Variants in SLC2A4RG observed in about 807,000 individuals in gnomAD.
SLC2A4RG encodes GLUT4 enhancer factor.
In SLC2A4RG, 23 loss-of-function variants were observed where a neutral mutation model predicts 35.5. The observed-to-expected ratio is 0.65, with a 90% CI of 0.47 to 0.92. The LOEUF (loss-of-function observed/expected upper bound fraction) is 0.92. SLC2A4RG is among the 40% of genes least tolerant of loss of function. SLC2A4RG has a pLI of 0.00. For synonymous variants in SLC2A4RG, 306 were observed against 243.7 expected, an observed-to-expected ratio of 1.26 and a Z score of -2.38; for missense variants, 539 against 525.0, an observed-to-expected ratio of 1.03 and a Z score of -0.26.
chr20:63,743,247 C>T lies in SLC2A4RG; in HGVS notation c.*257C>T, dbSNP rs895104897. ...CCAAACCACACCGCTGTCCCCTTAG[C>T]CCCAAGGGCCCTGGGGGCAGCCACC... On this transcript the variant is annotated 3_prime_UTR_variant, in exon 8 of 8. Transcript: ENST00000266077. The T allele has an allele frequency of 6.9e-5, 25 of 362,528 alleles. No homozygotes were observed. Among genetic ancestry groups the T allele is most frequent in the African/African-American group, 3.9e-4 (19 of 48,504 alleles). The allele number at this position is 362,528 out of a possible 1,614,324, so 22.5% of individuals were successfully genotyped here. A position where few individuals can be genotyped will look rare whatever the true frequency, so the allele number is the denominator to read the frequency against.
rs2092036246 is a variant in SLC2A4RG at position 63,740,494 on chromosome 20, C to T, written c.244C>T (p.Arg82Trp). Residue 82 changes from arginine (R) to tryptophan (W), a missense_variant, in exon 2 of 8, where the codon CGG becomes TGG. Physicochemically the swap from Arg to Trp is moderately radical, Grantham distance 101. Transcript: ENST00000266077. ...RTWTGAAAGPRTPSAHIPVPA... is the reference protein window; with the variant it reads ...RTWTGAAAGPWTPSAHIPVPA... The stretch of plus-strand genomic sequence containing the variant: ...GTGGACGGGGGCGGCGGCGGGGCCC[C>T]GGACTCCGTCGGCGCACATCCCCGT... 5 of 1,229,802 alleles carry T rather than the reference C, an allele frequency of 4.1e-6. No individual in the cohort carries two copies. Among genetic ancestry groups the T allele is most frequent in the South Asian group, 8.2e-5 (2 of 24,352 alleles). The allele number at this position is 1,229,802 out of a possible 1,614,324, so 76.2% of individuals were successfully genotyped here.
chr20:63,742,951 CT>C lies in SLC2A4RG; in HGVS notation c.1126del (p.Cys376AlafsTer35). On this transcript the variant is annotated frameshift_variant, in exon 8 of 8. Coordinates refer to ENST00000266077, the MANE Select transcript of SLC2A4RG (RefSeq NM_020062.4). LOFTEE classifies it high-confidence loss of function. Reference protein sequence around the residue: ...MERRDLWCTACRWKKACQRFL... With the variant: ...MERRDLWCTAXRWKKACQRFL... ...AGCGCCGGGACCTCTGGTGCACAGC[CT>C]GCCGCTGGAAGAAAGCCTGCCAGCG... is the stretch of plus-strand genomic sequence containing the variant. 1 of 1,612,260 alleles carries C rather than the reference CT, an allele frequency of 6.2e-7. No individual in the cohort carries two copies. Among genetic ancestry groups the C allele is most frequent in the Non-Finnish European group, 8.5e-7 (1 of 1,179,456 alleles).
chr20:63,742,662 T>C (rs1207225910), intron 6 of SLC2A4RG, 37 bp from the exon 7 acceptor site: 5 of 1,591,984 alleles, frequency 3.1e-6, no homozygotes, highest in Non-Finnish European at 4.3e-6. Flanking sequence ...CAGGGCTCTC[T>C]GGAGGGGAGT....
Position 63,742,074 on chromosome 20 carries a change from C to T in SLC2A4RG, c.579+18C>T, listed in dbSNP as rs1304423301. The T allele has an allele frequency of 6.2e-7, 1 of 1,611,316 alleles. No individual in the cohort carries two copies. Among genetic ancestry groups the T allele is most frequent in the Non-Finnish European group, 8.5e-7 (1 of 1,178,686 alleles). On this transcript the variant is annotated intron_variant, in intron 4 of 7. Transcript: ENST00000266077. ...AAAGGAAGGTGAGCTTGGGGGCGGC[C>T]CCCAGGGAGGGGCGGGTGTGGCGGC... is the stretch of plus-strand genomic sequence containing the variant.
chr20:63,740,180 G>A, intron 1 of SLC2A4RG, 142 bp downstream of exon 1: 1 of 400,010 alleles, frequency 2.5e-6, no homozygotes, highest in Non-Finnish European at 3.4e-6. Flanking sequence ...CGTGGGTCCC[G>A]CCGGGGCTGC....
At position 63,741,250 on chromosome 20, in the gene SLC2A4RG, C is replaced by T. The variant is rs1201264690; in HGVS notation, c.282-120C>T. The T allele has an allele frequency of 3.3e-6, 3 of 906,180 alleles. No homozygotes were observed. The South Asian group carries it at 4.4e-5, about 13-fold the overall frequency. 56.1% of individuals were successfully genotyped at this position (906,180 alleles called of 1,614,324 possible). A position where few individuals can be genotyped will look rare whatever the true frequency, so the allele number is the denominator to read the frequency against. The stretch of plus-strand genomic sequence containing the variant: ...GCTGGGGGAGGAGCCAGGCCTCATG[C>T]CCAGGGCTGGGAGTGGGGAGCCTGG... On this transcript the variant is annotated intron_variant, in intron 2 of 7. Coordinates refer to ENST00000266077, the MANE Select transcript of SLC2A4RG (RefSeq NM_020062.4).
At position 63,742,351 on chromosome 20, in the gene SLC2A4RG, T is replaced by C; in HGVS notation, c.696T>C (p.Pro232=). ...TCTCCCGCAGGAGGCAGGCAGAGCC[T>C]GAGCAGAGTGATGGTGAGGAGGACT... The part of the protein sequence containing the change: ...RLVHLGRQAE[P]EQSDGEEDFY... Residue 232 remains proline, a synonymous_variant, in exon 6 of 8, where the codon CCT becomes CCC. Transcript: ENST00000266077. 6.2e-7 allele frequency: 1 copy of C among 1,609,160 alleles called. No homozygotes were observed.
At chr20:63,741,143 G>A in intron 2 of SLC2A4RG, 1 of 566,814 alleles carries the variant, frequency 1.8e-6, no homozygotes, top group Non-Finnish European at 3.2e-6. Flanking sequence ...CCAAGCCCGC[G>A]ATGTGGAGAA....
In SLC2A4RG at chr20:63,742,060, A is replaced by G. The variant is rs922460029; in HGVS notation, c.579+4A>G. On this transcript the variant is annotated splice_donor_region_variant and intron_variant, in intron 4 of 7. Transcript: ENST00000266077. ...GCCCACCCTGAGAAAAAGGAAGGTG[A>G]GCTTGGGGGCGGCCCCCAGGGAGGG... The G allele has an allele frequency of 6.2e-7, 1 of 1,610,920 alleles. No individual in the cohort carries two copies. Among genetic ancestry groups the G allele is most frequent in the Non-Finnish European group, 8.5e-7 (1 of 1,178,262 alleles).
Position 63,740,433 on chromosome 20 carries a change from G to C in SLC2A4RG, c.183G>C (p.Ser61=). The C allele has an allele frequency of 8.1e-7, 1 of 1,230,594 alleles. No individual in the cohort carries two copies. Among genetic ancestry groups the C allele is most frequent in the African/African-American group, 1.6e-5 (1 of 64,294 alleles). The allele number at this position is 1,230,594 out of a possible 1,614,324, so 76.2% of individuals were successfully genotyped here. A position where few individuals can be genotyped will look rare whatever the true frequency, so the allele number is the denominator to read the frequency against. Residue 61 remains serine (S), a synonymous_variant, in exon 2 of 8, where the codon TCG becomes TCC. Transcript: ENST00000266077. ...TGGAGTTCGCGCGGCCGCAGGAGTC[G>C]GAGCCGCGGGCCTCGGACCTGGGGG... ...AGLEFARPQE[S]EPRASDLGAP...
In SLC2A4RG at chr20:63,739,842, C is replaced by T. The variant is rs1381832192; in HGVS notation, c.-71C>T. 3.2e-5 allele frequency: 31 copies of T among 974,958 alleles called. No homozygotes were observed. Among genetic ancestry groups the T allele is most frequent in the Non-Finnish European group, 3.6e-5 (30 of 825,772 alleles). 60.4% of individuals were successfully genotyped at this position (974,958 alleles called of 1,614,324 possible). ...GCGGGGGTCGGCGGCCCGGCCAGCC[C>T]GGCCCGGCCCGGGGCCGCGTCCTGA... On this transcript the variant is annotated 5_prime_UTR_variant, in exon 1 of 8. Coordinates refer to ENST00000266077, the MANE Select transcript of SLC2A4RG (RefSeq NM_020062.4).
chr20:63,740,119 C>T (rs1418808355), intron 1 of SLC2A4RG, 81 bp downstream of exon 1: 5 of 719,802 alleles, frequency 6.9e-6, no homozygotes, highest in African/African-American at 5.8e-5. Context: ...AAACTTCGGG[C>T]CCCCGGGGGC....
In SLC2A4RG at chr20:63,741,371, G is replaced by T. The variant is rs371440059; in HGVS notation, c.283G>T (p.Ala95Ser). 1.2e-6 allele frequency: 2 copies of T among 1,612,520 alleles called. No individual in the cohort carries two copies. The highest frequency in any genetic ancestry group is 2.7e-5 in the African/African-American group (2 of 75,020). Residue 95 changes from alanine (A) to serine (S), a missense_variant and splice_region_variant, in exon 3 of 8, where the codon GCC becomes TCC. Ala to Ser is a moderately conservative substitution (Grantham distance 99). Coordinates refer to ENST00000266077, the MANE Select transcript of SLC2A4RG (RefSeq NM_020062.4). Reference protein sequence around the residue: ...SAHIPVPAQRATPGKARLDEV... With the variant: ...SAHIPVPAQRSTPGKARLDEV... ...GCACCCCGCCCCCATCTCCTCCAGA[G>T]CCACCCCAGGAAAAGCCCGGCTGGA...
chr20:63,739,797 G>T lies in SLC2A4RG; in HGVS notation c.-116G>T. 1 of 965,066 alleles carries T rather than the reference G, an allele frequency of 1.0e-6. No individual in the cohort carries two copies. Among genetic ancestry groups the T allele is most frequent in the Non-Finnish European group, 1.2e-6 (1 of 815,882 alleles). 59.8% of individuals were successfully genotyped at this position (965,066 alleles called of 1,614,324 possible). On this transcript the variant is annotated 5_prime_UTR_variant, in exon 1 of 8. Coordinates refer to ENST00000266077, the MANE Select transcript of SLC2A4RG (RefSeq NM_020062.4). ...GGGCAGCCTCCGGGCGGCGCGGCGCGGGCGGCGGCCGGATCCAGGGCGGGG... is the reference window on the plus strand; with the variant it reads ...GGGCAGCCTCCGGGCGGCGCGGCGCTGGCGGCGGCCGGATCCAGGGCGGGG...
At position 63,741,986 on chromosome 20, in the gene SLC2A4RG, C is replaced by T. The variant is rs773612179; in HGVS notation, c.509C>T (p.Thr170Ile). The change falls in exon 4 of 8, where the codon ACC (threonine) becomes ATC (isoleucine). Residue 170 changes from threonine (T) to isoleucine (I), a missense_variant. Transcript: ENST00000266077. Reference sequence around the variant, plus strand: ...GCCAGTGACCAGTCCTCTCCGTCCACCCCGTCACCCCCACTGCCCCCCGAG... The same window carrying T: ...GCCAGTGACCAGTCCTCTCCGTCCATCCCGTCACCCCCACTGCCCCCCGAG... ...DLASDQSSPS[T>I]PSPPLPPEAA... 1 of 1,612,976 alleles carries T rather than the reference C, an allele frequency of 6.2e-7. No homozygotes were observed. The highest frequency in any genetic ancestry group is 8.5e-7 in the Non-Finnish European group (1 of 1,179,858).
In SLC2A4RG at chr20:63,743,533, C is replaced by G. The variant is rs968429613; in HGVS notation, c.*543C>G. 6.5e-6 allele frequency: 1 copy of G among 153,094 alleles called. No homozygotes were observed. The highest frequency in any genetic ancestry group is 1.5e-5 in the Non-Finnish European group (1 of 68,520). 9.5% of individuals were successfully genotyped at this position (153,094 alleles called of 1,614,324 possible). A position where few individuals can be genotyped will look rare whatever the true frequency, so the allele number is the denominator to read the frequency against. On this transcript the variant is annotated 3_prime_UTR_variant, in exon 8 of 8. Transcript: ENST00000266077. ...TTTGTCTGCCTCTCGGGAGGAAGGC[C>G]GTGGGGCTGGGACCCTGTGGTGGGC...
At chr20:63,740,130 G>A in intron 1 of SLC2A4RG, 92 bp downstream of exon 1, 1 of 638,154 alleles carries the variant, frequency 1.6e-6, no homozygotes, top group Non-Finnish European at 1.9e-6. Context: ...CCCCGGGGGC[G>A]GGGCAGCGGG....
chr20:63,740,454 G>A lies in SLC2A4RG; in HGVS notation c.204G>A (p.Leu68=). 8.1e-7 allele frequency: 1 copy of A among 1,230,420 alleles called. No individual in the cohort carries two copies. 76.2% of individuals were successfully genotyped at this position (1,230,420 alleles called of 1,614,324 possible). ...AGTCGGAGCCGCGGGCCTCGGACCT[G>A]GGGGCCCCCCGGACGTGGACGGGGG... The part of the protein sequence containing the change: ...PQESEPRASD[L]GAPRTWTGAA... The change falls in exon 2 of 8, where the codon CTG becomes CTA. Residue 68 remains leucine (L), a synonymous_variant. Transcript: ENST00000266077.
rs2092049854 is a variant in SLC2A4RG at position 63,742,680 on chromosome 20, T to C, written c.961-19T>C. 1.3e-6 allele frequency: 2 copies of C among 1,596,656 alleles called. No homozygotes were observed. Among genetic ancestry groups the C allele is most frequent in the South Asian group, 2.2e-5 (2 of 88,930 alleles). On this transcript the variant is annotated intron_variant, in intron 6 of 7. Coordinates refer to ENST00000266077, the MANE Select transcript of SLC2A4RG (RefSeq NM_020062.4). ...GGCTCTCTGGAGGGGAGTGAAGCCC[T>C]GGCTGTGTCTCCCTGTAGGGCTGCC...
Sources: gnomAD v4.1 joint callset for allele counts on GRCh38, gnomAD v4.1.1 for gene constraint, MANE v1.5 for transcripts, NCBI Gene and HGNC (gene_info 2026-07-23, HGNC 2026-07-21) for gene names.